The following ENTREP2 variants were observed in gnomAD, a reference collection of about 807,000 sequenced individuals.
ENTREP2 encodes protein ENTREP2.
chr15:29,130,325 C>T, the ENTREP2 span, among the ~76,000 whole-genome samples: 1 of 152,300 alleles, frequency 6.6e-6, no homozygotes, highest in East Asian at 1.9e-4. Flanking sequence ...ACCATCAGCA[C>T]CCACCTGCTT....
At chr15:29,277,016 G>A in the ENTREP2 span, among the ~76,000 whole-genome samples, 1 of 152,300 alleles carries the variant, frequency 6.6e-6, no homozygotes, top group African/African-American at 2.4e-5. Flanking sequence ...GTAAGGGAGA[G>A]ACAAATTATG....
At chr15:29,409,753 C>T in the ENTREP2 span, among the ~76,000 whole-genome samples, 1 of 152,108 alleles carries the variant, frequency 6.6e-6, no homozygotes. Flanking sequence ...TGAGCCACCT[C>T]GCCTGGCTAT....
At chr15:29,159,982 C>T in the ENTREP2 span, among the ~76,000 whole-genome samples, 8 of 152,368 alleles carry the variant, frequency 5.3e-5, no homozygotes, top group Middle Eastern at 3.4e-3. Context: ...AGGCGGCGCT[C>T]GCCCGGGAGG....
At chr15:29,274,013 T>C in the ENTREP2 span, among the ~76,000 whole-genome samples, 2 of 152,208 alleles carry the variant, frequency 1.3e-5, no homozygotes, top group Admixed American at 1.3e-4. Context: ...CTCCCTTTCA[T>C]ATATACATCT....
the ENTREP2 span, among the ~76,000 whole-genome samples, chr15:29,176,718 G>A: frequency 2.2e-3 from 328 of 152,282 alleles, no homozygotes; most frequent in Non-Finnish European, 3.5e-3. Flanking sequence ...GGCCCCAGGA[G>A]GGGTTAGATC....
the ENTREP2 span, among the ~76,000 whole-genome samples, chr15:29,144,117 A>G: frequency 6.6e-6 from 1 of 152,236 alleles, no homozygotes; most frequent in African/African-American, 2.4e-5. Context: ...TGAGGAAAGC[A>G]CAAAACACCA....
the ENTREP2 span, among the ~76,000 whole-genome samples, chr15:29,461,436 G>T: frequency 1.3e-5 from 2 of 152,194 alleles, no homozygotes; most frequent in African/African-American, 2.4e-5. Context: ...TTTTTATTAT[G>T]ATAAAATACA....
chr15:29,130,539 T>C, the ENTREP2 span, among the ~76,000 whole-genome samples: 4 of 152,046 alleles, frequency 2.6e-5, no homozygotes, highest in Non-Finnish European at 1.5e-5. Context: ...TAAAAGAAAA[T>C]CTTCTGGTAA....
chr15:29,503,746 C>CA, the ENTREP2 span, among the ~76,000 whole-genome samples: 1 of 152,030 alleles, frequency 6.6e-6, no homozygotes, highest in African/African-American at 2.4e-5. Flanking sequence ...GAATATGCAG[C>CA]AAAAAACTAT....
chr15:29,209,011 C>G, the ENTREP2 span, among the ~76,000 whole-genome samples: 1 of 152,092 alleles, frequency 6.6e-6, no homozygotes, highest in African/African-American at 2.4e-5. Context: ...TAGCAGGTGC[C>G]CATGAGGAGT....
chr15:29,649,057 T>TACACACACAC, the ENTREP2 span, among the ~76,000 whole-genome samples: 2,021 of 144,922 alleles, frequency 0.014, 29 homozygotes, highest in South Asian at 0.031. Flanking sequence ...GGGACACATG[T>TACACACACAC]ACACACACAC....
the ENTREP2 span, among the ~76,000 whole-genome samples, chr15:29,449,888 T>A: frequency 6.6e-6 from 1 of 152,236 alleles, no homozygotes; most frequent in Non-Finnish European, 1.5e-5. Context: ...GCAGTCCCTT[T>A]CCTCTACAAA....
At chr15:29,158,405 C>CT in the ENTREP2 span, among the ~76,000 whole-genome samples, 491 of 133,134 alleles carry the variant, frequency 3.7e-3, 3 homozygotes, top group African/African-American at 1.0e-2. Context: ...TTATCTCTGC[C>CT]TTTTTTTTTT....
chr15:29,298,132 C>T, the ENTREP2 span, among the ~76,000 whole-genome samples: 61 of 152,102 alleles, frequency 4.0e-4, no homozygotes, highest in African/African-American at 1.4e-3. Context: ...CCTATGTTCA[C>T]AAATTAATAT....
At chr15:29,283,468 C>T in the ENTREP2 span, among the ~76,000 whole-genome samples, 15 of 152,264 alleles carry the variant, frequency 9.9e-5, no homozygotes, top group Admixed American at 7.8e-4. Context: ...CCTGTCTCAG[C>T]CTTTCCAGTA....
At chr15:29,613,466 C>A in the ENTREP2 span, 1 of 425,324 alleles carries the variant, frequency 2.4e-6, no homozygotes, top group South Asian at 2.1e-5. Flanking sequence ...CTGGAATGGG[C>A]ACCCTCCTCC....
At chr15:29,351,814 ATTTT>A in the ENTREP2 span, among the ~76,000 whole-genome samples, 1 of 146,518 alleles carries the variant, frequency 6.8e-6, no homozygotes, top group Non-Finnish European at 1.5e-5. Context: ...CAGCTTTTTT[ATTTT>A]TTTTTTGGTA....
chr15:29,425,197 T>TTG, the ENTREP2 span, among the ~76,000 whole-genome samples: 3 of 91,386 alleles, frequency 3.3e-5, no homozygotes, highest in Admixed American at 1.2e-4. Context: ...TCCAGGTTTT[T>TTG]TGTTTTTTTT....
At chr15:29,546,934 G>C in the ENTREP2 span, among the ~76,000 whole-genome samples, 106 of 148,300 alleles carry the variant, frequency 7.1e-4, no homozygotes, top group African/African-American at 2.3e-3. Flanking sequence ...ATTAGAAGAT[G>C]AAAAGATAGA....
Sources: gnomAD v4.1 joint callset for allele counts (sites outside exome capture counted in the v4.1 genomes callset) on GRCh38, gnomAD v4.1.1 for gene constraint, MANE v1.5 for transcripts, NCBI Gene and HGNC (gene_info 2026-07-23, HGNC 2026-07-21) for gene names.